The following USP45 variants were observed in gnomAD, a reference collection of about 807,000 sequenced individuals.
USP45 encodes the protein ubiquitin carboxyl-terminal hydrolase 45.
In USP45, 89 loss-of-function variants were observed where a neutral mutation model predicts 95.8. That is an observed-to-expected ratio of 0.93 (90% CI 0.78 to 1.11). USP45 has a LOEUF of 1.11. Among genes scored for constraint, USP45 ranks in the 50% least tolerant of loss-of-function variants. USP45 has a pLI of 0.00. For synonymous variants in USP45, 281 were observed against 316.2 expected, an observed-to-expected ratio of 0.89 and a Z score of 1.18; for missense variants, 898 against 942.5, an observed-to-expected ratio of 0.95 and a Z score of 0.62.
At chr6:99,455,002 A>T (rs995019141) in intron 13 of USP45, among the ~76,000 whole-genome samples, 4 of 151,344 alleles carry the variant, frequency 2.6e-5, no homozygotes, top group African/African-American at 7.3e-5. Context: ...AGGCAGGAGA[A>T]TCACTTGAAC....
At chr6:99,456,142 A>G (rs1785036598) in intron 13 of USP45, among the ~76,000 whole-genome samples, 1 of 150,848 alleles carries the variant, frequency 6.6e-6, no homozygotes, top group Non-Finnish European at 1.5e-5. Context: ...CGGAAAAAAA[A>G]AAAAAAAAAA....
chr6:99,462,545 A>G, intron 13 of USP45: 1 of 985,456 alleles, frequency 1.0e-6, no homozygotes, highest in Non-Finnish European at 1.2e-6. Context: ...GCTTTGTTTT[A>G]TACCATTAGA....
At chr6:99,505,958 C>T (rs1196556705) in intron 4 of USP45, among the ~76,000 whole-genome samples, 1 of 152,160 alleles carries the variant, frequency 6.6e-6, no homozygotes, top group African/African-American at 2.4e-5. Context: ...ATTGCTGTCT[C>T]CATTGGTTCC....
rs546020541 is a variant in USP45 at position 99,510,216 on chromosome 6, C to A, written c.5G>T (p.Arg2Leu). The change falls in exon 2 of 18, where the codon CGG (arginine) becomes CTG (leucine). Residue 2 changes from arginine (R) to leucine (L), a missense_variant. Arg to Leu is a moderately radical substitution (Grantham distance 102, BLOSUM62 -2). Transcript: ENST00000500704. ...TAAAGCTTTAGTTGGATCTTTCACC[C>A]GCATCTGTTATTTACTGAAGGGATT... M[R>L]VKDPTKALPE... The A allele has an allele frequency of 2.5e-6, 4 of 1,612,740 alleles. No homozygotes were observed. The highest frequency in any genetic ancestry group is 2.2e-5 in the South Asian group (2 of 90,860).
At chr6:99,492,880 G>GT (rs938014030) in intron 5 of USP45, among the ~76,000 whole-genome samples, 63 of 152,298 alleles carry the variant, frequency 4.1e-4, no homozygotes, top group African/African-American at 1.4e-3. Flanking sequence ...TTTACAAAAT[G>GT]TAACAATTTA....
chr6:99,439,909 C>A, intron 15 of USP45, 54 bp from the exon 16 acceptor site: 1 of 1,409,532 alleles, frequency 7.1e-7, no homozygotes, highest in Non-Finnish European at 9.7e-7. Flanking sequence ...AAAGCATTGT[C>A]TTTGTTAACT....
intron 9 of USP45, among the ~76,000 whole-genome samples, chr6:99,473,134 C>T (rs1314541695): frequency 6.6e-6 from 1 of 151,642 alleles, no homozygotes; most frequent in African/African-American, 2.4e-5. Context: ...TTGCAAATCA[C>T]AAAGAAACTA....
chr6:99,460,676 G>T, intron 13 of USP45: 1 of 544,210 alleles, frequency 1.8e-6, no homozygotes, highest in Non-Finnish European at 2.3e-6. Context: ...GTATTCTTTT[G>T]GTGACTGGTC....
At chr6:99,462,201 T>G (rs564555790) in intron 13 of USP45, 1 of 975,954 alleles carries the variant, frequency 1.0e-6, no homozygotes, top group South Asian at 4.7e-5. Context: ...AAATATTATA[T>G]GAAAAAAATT....
At chr6:99,491,160 C>T (rs1045469934) in intron 5 of USP45, among the ~76,000 whole-genome samples, 5 of 152,138 alleles carry the variant, frequency 3.3e-5, no homozygotes, top group African/African-American at 1.2e-4. Flanking sequence ...ATAAACCCCA[C>T]ACTAGAGCTT....
chr6:99,467,453 C>T (rs1370432216), intron 10 of USP45, among the ~76,000 whole-genome samples: 2 of 151,942 alleles, frequency 1.3e-5, no homozygotes, highest in Non-Finnish European at 1.5e-5. Context: ...AACCTATTCA[C>T]CCCTCTTTCA....
chr6:99,435,997 A>G lies in USP45; in HGVS notation c.2315-151T>C, dbSNP rs751860345. The G allele has an allele frequency of 1.6e-4, 123 of 771,498 alleles. 1 individual carries two copies. Among genetic ancestry groups the G allele is most frequent in the Admixed American group, 2.3e-4 (7 of 30,020 alleles). 47.8% of individuals were successfully genotyped at this position (771,498 alleles called of 1,614,324 possible). On this transcript the variant is annotated intron_variant, in intron 17 of 17. Coordinates refer to ENST00000500704, the MANE Select transcript of USP45 (RefSeq NM_001346022.3). Reference sequence around the variant, plus strand: ...TTTTCTTGGGTTAAGCATTTTCCAAAAAGAACTTTTTTTTTTTTAAATTAT... The same window carrying G: ...TTTTCTTGGGTTAAGCATTTTCCAAGAAGAACTTTTTTTTTTTTAAATTAT...
intron 7 of USP45, among the ~76,000 whole-genome samples, chr6:99,484,004 G>GTTTTT (rs773687208): frequency 0.053 from 4,805 of 91,348 alleles, 647 homozygotes; most frequent in African/African-American, 0.19. Flanking sequence ...ATTTTCCATA[G>GTTTTT]TTTTTTTTTT....
intron 13 of USP45, chr6:99,462,344 G>C: frequency 1.0e-6 from 1 of 984,980 alleles, no homozygotes; most frequent in Non-Finnish European, 1.2e-6. Flanking sequence ...TGTGTGGAAA[G>C]TATTTCTCTC....
chr6:99,450,597 C>T (rs1472333219), intron 13 of USP45, among the ~76,000 whole-genome samples: 1 of 152,114 alleles, frequency 6.6e-6, no homozygotes, highest in Non-Finnish European at 1.5e-5. Context: ...CCGAATTCTA[C>T]CAGAGGTACA....
chr6:99,468,417 C>T, intron 10 of USP45, 120 bp downstream of exon 10: 1 of 673,472 alleles, frequency 1.5e-6, no homozygotes, highest in East Asian at 2.8e-5. Context: ...GCAACTACGT[C>T]CTCCTTTTAA....
chr6:99,491,129 C>T (rs753919408), intron 5 of USP45, among the ~76,000 whole-genome samples: 3 of 152,056 alleles, frequency 2.0e-5, no homozygotes, highest in Non-Finnish European at 4.4e-5. Flanking sequence ...TTTTCCTGTC[C>T]TCCAAATATT....
At chr6:99,480,064 C>T (rs963218672) in intron 8 of USP45, among the ~76,000 whole-genome samples, 4 of 152,110 alleles carry the variant, frequency 2.6e-5, no homozygotes, top group African/African-American at 9.7e-5. Flanking sequence ...TAGCAAGAAA[C>T]AAGGTCAACA....
chr6:99,443,792 G>C, intron 14 of USP45, 130 bp from the exon 15 acceptor site: 1 of 603,378 alleles, frequency 1.7e-6, no homozygotes, highest in Non-Finnish European at 2.7e-6. Context: ...TCTGATGAAA[G>C]GACAGTCTTT....
Sources: gnomAD v4.1 joint callset for allele counts (sites outside exome capture counted in the v4.1 genomes callset) on GRCh38, gnomAD v4.1.1 for gene constraint, MANE v1.5 for transcripts, NCBI Gene and HGNC (gene_info 2026-07-23, HGNC 2026-07-21) for gene names.